Variants in MTOR observed in about 807,000 individuals in gnomAD.
MTOR encodes the protein serine/threonine-protein kinase mTOR.
A neutral mutation model predicts 319.8 loss-of-function variants in MTOR; 70 were observed. That is an observed-to-expected ratio of 0.22 (90% CI 0.18 to 0.27). The LOEUF (loss-of-function observed/expected upper bound fraction) is 0.27, where lower values mean the gene tolerates loss of function less well. Ranked by LOEUF, MTOR falls within the 10% of genes least tolerant of loss-of-function variation. MTOR has a pLI of 1.00. For missense variants in MTOR, 1,890 were observed against 3,274.4 expected, an observed-to-expected ratio of 0.58 and a Z score of 10.32; for synonymous variants, 1,183 against 1,211.4, an observed-to-expected ratio of 0.98 and a Z score of 0.49.
Position 11,237,877 on chromosome 1 carries a change from A to T in MTOR, c.2174T>A (p.Phe725Tyr), listed in dbSNP as rs2100898200. ...VGRLSSMNPA[F>Y]VMPFLRKMLI... ...CATCTTGCGCAGGAAAGGCATGACA[A>T]AGGCAGGGTTCATGCTACTGAGTCG... The change falls in exon 13 of 58, where the codon TTT (phenylalanine) becomes TAT (tyrosine). Residue 725 changes from phenylalanine to tyrosine, a missense_variant. Around this residue, in one of 15 missense-constraint regions of MTOR, gnomAD observed 377 missense variants for 653.9 expected, o/e 0.58. Transcript: ENST00000361445. 6.2e-7 allele frequency: 1 copy of T among 1,614,058 alleles called. No homozygotes were observed. Among genetic ancestry groups the T allele is most frequent in the African/African-American group, 1.3e-5 (1 of 75,050 alleles).
intron 28 of MTOR, among the ~76,000 whole-genome samples, chr1:11,180,351 G>C (rs1341104068): frequency 6.6e-6 from 1 of 152,168 alleles, no homozygotes; most frequent in African/African-American, 2.4e-5. Flanking sequence ...CTTTCAAGCA[G>C]CACAATATTG....
intron 28 of MTOR, among the ~76,000 whole-genome samples, chr1:11,183,182 T>C (rs1240708296): frequency 6.6e-6 from 1 of 152,354 alleles, no homozygotes; most frequent in East Asian, 1.9e-4. Context: ...TGGCATTTTA[T>C]TATGATTTAA....
chr1:11,211,553 G>A (rs2100789877), intron 23 of MTOR, among the ~76,000 whole-genome samples: 1 of 152,226 alleles, frequency 6.6e-6, no homozygotes, highest in African/African-American at 2.4e-5. Context: ...TTTTTTTGTG[G>A]AGACAGGGTC....
intron 28 of MTOR, among the ~76,000 whole-genome samples, chr1:11,189,022 C>G (rs553580020): frequency 6.6e-6 from 1 of 152,152 alleles, no homozygotes; most frequent in Non-Finnish European, 1.5e-5. Context: ...GGTTATATAA[C>G]CTTTTGAACG....
At chr1:11,219,118 G>A (rs1180345977) in intron 19 of MTOR, among the ~76,000 whole-genome samples, 3 of 152,112 alleles carry the variant, frequency 2.0e-5, no homozygotes, top group African/African-American at 4.8e-5. Context: ...GGAAGGTTGA[G>A]GTGGGAGGAT....
chr1:11,171,708 A>G (rs1644819230), intron 28 of MTOR, among the ~76,000 whole-genome samples: 1 of 152,122 alleles, frequency 6.6e-6, no homozygotes, highest in South Asian at 2.1e-4. Context: ...TTGCAAATTA[A>G]AAATGTAAAA....
Position 11,127,190 on chromosome 1 carries a change from C to T in MTOR, c.6217-46G>A. 6.2e-7 allele frequency: 1 copy of T among 1,610,036 alleles called. No homozygotes were observed. Among genetic ancestry groups the T allele is most frequent in the Non-Finnish European group, 8.5e-7 (1 of 1,178,578 alleles). On this transcript the variant is annotated intron_variant, in intron 44 of 57. Coordinates refer to ENST00000361445, the MANE Select transcript of MTOR (RefSeq NM_004958.4). The surrounding 1 kb of genome is among the most constrained non-coding windows in gnomAD (Gnocchi z 5.5). The stretch of plus-strand genomic sequence containing the variant: ...GTTTTCAAGTTATCAAAGTCTCAAC[C>T]AACCCAGGAGGCAAAATCCCCAGGC...
At chr1:11,146,882 T>G (rs1362999936) in intron 31 of MTOR, 91 bp from the exon 32 acceptor site, 1 of 877,786 alleles carries the variant, frequency 1.1e-6, no homozygotes, top group African/African-American at 1.6e-5. Flanking sequence ...ACTGTTATTT[T>G]CCTTTAGCTT....
At chr1:11,146,644 A>G (rs770251948) in intron 32 of MTOR, 32 bp downstream of exon 32, 1 of 1,554,386 alleles carries the variant, frequency 6.4e-7, no homozygotes, top group Non-Finnish European at 8.9e-7. Flanking sequence ...TCTTTTCCTC[A>G]CTGAGAGATC....
At chr1:11,258,668 A>T (rs1224017361) in intron 2 of MTOR, 75 bp from the exon 3 acceptor site, 1 of 1,110,600 alleles carries the variant, frequency 9.0e-7, no homozygotes, top group African/African-American at 1.5e-5. Flanking sequence ...CTGGCATCTA[A>T]AGATTAGATC....
intron 28 of MTOR, among the ~76,000 whole-genome samples, chr1:11,183,485 A>G (rs1645222819): frequency 6.6e-6 from 1 of 152,128 alleles, no homozygotes. Flanking sequence ...TTGTTTGATA[A>G]GAGTTCTTTA....
At chr1:11,200,146 A>G (rs1645914507) in intron 26 of MTOR, among the ~76,000 whole-genome samples, 1 of 152,210 alleles carries the variant, frequency 6.6e-6, no homozygotes, top group South Asian at 2.1e-4. Context: ...GACTTCTAAC[A>G]TAGAAGTTGG....
chr1:11,219,179 G>A (rs1437170944), intron 19 of MTOR, among the ~76,000 whole-genome samples: 5 of 151,082 alleles, frequency 3.3e-5, no homozygotes, highest in African/African-American at 9.8e-5. Context: ...ATGTCACTGC[G>A]CTCCAGCCTG....
At chr1:11,250,509 T>C (rs2100952821) in intron 6 of MTOR, among the ~76,000 whole-genome samples, 1 of 152,308 alleles carries the variant, frequency 6.6e-6, no homozygotes, top group Admixed American at 6.5e-5. Flanking sequence ...TAAACTCTCC[T>C]GGCTCTCCTC....
chr1:11,232,426 T>TAA lies in MTOR; in HGVS notation c.2514+8_2514+9dup. Reference sequence around the variant, plus strand: ...TCTGTCTTGCTCAATCAGGAAGCAGTAATACTCACCTGCCTTTTGGCCAAC... The same window carrying TAA: ...TCTGTCTTGCTCAATCAGGAAGCAGTAAAATACTCACCTGCCTTTTGGCCAAC... On this transcript the variant is annotated intron_variant, in intron 16 of 57. Coordinates refer to ENST00000361445, the MANE Select transcript of MTOR (RefSeq NM_004958.4). The TAA allele has an allele frequency of 6.2e-7, 1 of 1,606,966 alleles. No individual in the cohort carries two copies. The highest frequency in any genetic ancestry group is 8.5e-7 in the Non-Finnish European group (1 of 1,173,538).
rs375300769 is a variant in MTOR, at chr1:11,130,123, C to T, written c.5614-285G>A. ...ACACCCGGATCTCTGGGCCTGCCAG[C>T]GGCCCTGGCGCATTCTGAACTGACA... On this transcript the variant is annotated intron_variant, in intron 39 of 57. Transcript: ENST00000361445. Among the ~76,000 whole-genome samples, 191 of 152,262 alleles carry T rather than the reference C, an allele frequency of 1.3e-3. 1 individual carries two copies. The highest frequency in any genetic ancestry group is 5.2e-3 in the South Asian group (25 of 4,826).
At chr1:11,125,422 T>C (rs77597514) in intron 46 of MTOR, among the ~76,000 whole-genome samples, 2 of 152,006 alleles carry the variant, frequency 1.3e-5, no homozygotes, top group Non-Finnish European at 2.9e-5. Flanking sequence ...TTAAGAAACA[T>C]TGAGCATTAT....
At chr1:11,114,492 A>G in intron 52 of MTOR, 39 bp from the exon 53 acceptor site, 1 of 1,611,778 alleles carries the variant, frequency 6.2e-7, no homozygotes, top group Non-Finnish European at 8.5e-7. Flanking sequence ...AGGAGTTACT[A>G]ACTCTCCACC....
chr1:11,211,415 G>A (rs1423143960), intron 23 of MTOR, among the ~76,000 whole-genome samples: 1 of 152,212 alleles, frequency 6.6e-6, no homozygotes, highest in African/African-American at 2.4e-5. Flanking sequence ...GCCCAGGCTG[G>A]AGTGCAATGG....
Sources: allele counts gnomAD v4.1 joint callset (sites outside exome capture counted in the v4.1 genomes callset), GRCh38; gene constraint gnomAD v4.1.1; regional missense constraint gnomAD v4.1.1; non-coding constraint Gnocchi (gnomAD v3.1); transcripts MANE v1.5; gene names NCBI Gene and HGNC (gene_info 2026-07-23, HGNC 2026-07-21).